The following DYNC2H1 variants were observed in gnomAD, a reference collection of about 807,000 sequenced individuals.
DYNC2H1 encodes cytoplasmic dynein 2 heavy chain 1.
DYNC2H1 carries 410 observed loss-of-function variants against 570.0 expected under a neutral mutation model. The ratio of observed to expected loss-of-function variants is 0.72; its 90% CI spans 0.66 to 0.78. DYNC2H1 has a LOEUF of 0.78. DYNC2H1 is among the 30% of genes least tolerant of loss of function. The pLI is 0.00. For missense variants in DYNC2H1, 4,865 were observed against 5,046.4 expected (o/e 0.96, Z 1.09); for synonymous variants, 1,688 against 1,677.6 (o/e 1.01, Z -0.15).
chr11:103,203,756 T>A lies in DYNC2H1; in HGVS notation c.8291T>A (p.Val2764Asp). 1 of 1,609,450 alleles carries A rather than the reference T, an allele frequency of 6.2e-7. No individual in the cohort carries two copies. The highest frequency in any genetic ancestry group is 8.5e-7 in the Non-Finnish European group (1 of 1,177,700). ...QASQDGFFGPVFNYFTYRIQQ... is the reference protein window; with the variant it reads ...QASQDGFFGPDFNYFTYRIQQ... Reference sequence around the variant, plus strand: ...TCACAAGATGGTTTTTTTGGACCAGTCTTCAATTACTTCACATATAGTAAG... The same window carrying A: ...TCACAAGATGGTTTTTTTGGACCAGACTTCAATTACTTCACATATAGTAAG... The change falls in exon 51 of 89, where the codon GTC (valine) becomes GAC (aspartate). Residue 2764 changes from valine (V) to aspartate (D), a missense_variant. Val to Asp is a radical substitution (Grantham distance 152). Around this residue, in one of 5 missense-constraint regions of DYNC2H1, gnomAD observed 2,401 missense variants for 2,454.6 expected, o/e 0.98. Transcript: ENST00000375735. The surrounding 1 kb of genome is among the most constrained non-coding windows in gnomAD (Gnocchi z 4.7).
At chr11:103,392,023 CT>C (rs1243760631) in intron 83 of DYNC2H1, among the ~76,000 whole-genome samples, 1 of 152,234 alleles carries the variant, frequency 6.6e-6, no homozygotes, top group Non-Finnish European at 1.5e-5. Context: ...CTCTTCAAAG[CT>C]GTCAGACAGG....
In DYNC2H1 at chr11:103,120,544, C is replaced by T; in HGVS notation, c.1097C>T (p.Thr366Ile). Residue 366 changes from threonine to isoleucine, a missense_variant, in exon 7 of 89, where the codon ACT becomes ATT. Thr to Ile is a moderately conservative substitution (Grantham distance 89). Coordinates refer to ENST00000375735, the MANE Select transcript of DYNC2H1 (RefSeq NM_001377.3). Reference protein sequence around the residue: ...ICLTRVFEPFTGLNPVQYNPY... With the variant: ...ICLTRVFEPFIGLNPVQYNPY... The stretch of plus-strand genomic sequence containing the variant: ...CTCACTCGAGTATTTGAACCTTTTA[C>T]TGGCCTGAATCCTGTGCAATATAAT... 2 of 1,613,132 alleles carry T rather than the reference C, an allele frequency of 1.2e-6. No homozygotes were observed. Among genetic ancestry groups the T allele is most frequent in the Non-Finnish European group, 1.7e-6 (2 of 1,179,448 alleles).
In DYNC2H1 at chr11:103,333,325, A is replaced by G. The variant is rs1027959601; in HGVS notation, c.12039+9335A>G. On this transcript the variant is annotated intron_variant, in intron 82 of 88. Coordinates refer to ENST00000375735, the MANE Select transcript of DYNC2H1 (RefSeq NM_001377.3). The stretch of plus-strand genomic sequence containing the variant: ...GTTGCCCAGGCTGGAGTGCAGTGGC[A>G]CAATCTCAGCTCACTGCAAGCTCCG... 2.0e-4 allele frequency among the ~76,000 whole-genome samples: 31 copies of G among 152,092 alleles called. 1 individual carries two copies. Among genetic ancestry groups the G allele is most frequent in the African/African-American group, 7.0e-4 (29 of 41,426 alleles).
rs553894540 is a variant in DYNC2H1, at chr11:103,266,097, C to T, written c.10695+6120C>T. 6.6e-5 allele frequency among the ~76,000 whole-genome samples: 10 copies of T among 152,118 alleles called. No individual in the cohort carries two copies. The South Asian group carries it at 8.3e-4, about 13-fold the overall frequency. ...GGTGGGTGGGGTGGGAGGGGCAAGG[C>T]GCTCTGTGACCGCTGGTCACTACAC... is the stretch of plus-strand genomic sequence containing the variant. On this transcript the variant is annotated intron_variant, in intron 70 of 88. Transcript: ENST00000375735.
Position 103,120,899 on chromosome 11 carries a change from CATGTACTTATTT to C in DYNC2H1, c.1249-25_1249-14del. On this transcript the variant is annotated splice_polypyrimidine_tract_variant and intron_variant, in intron 8 of 88. Transcript: ENST00000375735. ...TACTGAGTTGATCCGTTGGGATGAA[CATGTACTTATTT>C]TATTTTATATTAGCTTCTTCAAGCA... The C allele has an allele frequency of 7.4e-7, 1 of 1,347,168 alleles. No homozygotes were observed. Among genetic ancestry groups the C allele is most frequent in the Admixed American group, 3.0e-5 (1 of 33,140 alleles). 83.5% of individuals were successfully genotyped at this position (1,347,168 alleles called of 1,614,324 possible).
Position 103,186,175 on chromosome 11 carries a change from G to A in DYNC2H1, c.6634-67G>A, listed in dbSNP as rs1483633875. 1 of 1,456,504 alleles carries A rather than the reference G, an allele frequency of 6.9e-7. No homozygotes were observed. The highest frequency in any genetic ancestry group is 1.4e-5 in the African/African-American group (1 of 70,746). 90.2% of individuals were successfully genotyped at this position (1,456,504 alleles called of 1,614,324 possible). A position where few individuals can be genotyped will look rare whatever the true frequency, so the allele number is the denominator to read the frequency against. ...TGATTTACTTTTGGGATATTTACTT[G>A]GAAGAATTTTAAAATGTCACACACT... is the stretch of plus-strand genomic sequence containing the variant. On this transcript the variant is annotated intron_variant, in intron 41 of 88. Transcript: ENST00000375735. This position sits in a 1 kb window ranked among gnomAD's most constrained non-coding sequence, Gnocchi z 4.5.
At chr11:103,362,644 C>A (rs1940711276) in intron 83 of DYNC2H1, among the ~76,000 whole-genome samples, 2 of 152,146 alleles carry the variant, frequency 1.3e-5, no homozygotes, top group Admixed American at 1.3e-4. Flanking sequence ...CCTTTGTTTT[C>A]TTTGACTTGC....
chr11:103,424,372 T>G (rs1280699534), intron 84 of DYNC2H1, among the ~76,000 whole-genome samples: 2 of 152,150 alleles, frequency 1.3e-5, no homozygotes, highest in Non-Finnish European at 2.9e-5. Context: ...CAGGAACAAC[T>G]TGAATTTTCA....
Position 103,185,198 on chromosome 11 carries a change from T to G in DYNC2H1, c.6633+147T>G, listed in dbSNP as rs995257892. 3.6e-6 allele frequency: 2 copies of G among 561,050 alleles called. No individual in the cohort carries two copies. The highest frequency in any genetic ancestry group is 6.3e-5 in the East Asian group (2 of 31,972). The allele number at this position is 561,050 out of a possible 1,614,324, so 34.8% of individuals were successfully genotyped here. A position where few individuals can be genotyped will look rare whatever the true frequency, so the allele number is the denominator to read the frequency against. The stretch of plus-strand genomic sequence containing the variant: ...TCAATTGAGTAATAATGTATTTATG[T>G]ATGTGTATTTATATTTTCTCCTTTG... On this transcript the variant is annotated intron_variant, in intron 41 of 88. Transcript: ENST00000375735. The surrounding 1 kb of genome is among the most constrained non-coding windows in gnomAD (Gnocchi z 4.5).
At chr11:103,448,262 A>ATG (rs1491236906) in intron 85 of DYNC2H1, among the ~76,000 whole-genome samples, 1 of 152,132 alleles carries the variant, frequency 6.6e-6, no homozygotes, top group Non-Finnish European at 1.5e-5. Flanking sequence ...GTGGGTGATC[A>ATG]TGTGTGTGTA....
In DYNC2H1 at chr11:103,453,615, C is replaced by CATATATATATATATATATAT. The variant is rs66628059; in HGVS notation, c.12457-1563_12457-1544dup. 6.4e-3 allele frequency among the ~76,000 whole-genome samples: 871 copies of CATATATATATATATATATAT among 136,258 alleles called. 21 individuals carry two copies. Among genetic ancestry groups the CATATATATATATATATATAT allele is most frequent in the African/African-American group, 0.024 (838 of 34,506 alleles). The allele number at this position is 136,258 out of a possible 152,430, so 89.4% of individuals were successfully genotyped here. A position where few individuals can be genotyped will look rare whatever the true frequency, so the allele number is the denominator to read the frequency against. ...TGATTATCAGCCATGTTAGTTTAGA[C>CATATATATATATATATATAT]ATATATATATATATATATATATATA... On this transcript the variant is annotated intron_variant, in intron 85 of 88. Transcript: ENST00000375735.
rs182697394 is a variant in DYNC2H1 at position 103,414,512 on chromosome 11, G to A, written c.12366+14640G>A. Among the ~76,000 whole-genome samples, 12 of 152,142 alleles carry A rather than the reference G, an allele frequency of 7.9e-5. No individual in the cohort carries two copies. In the East Asian group the frequency reaches 1.2e-3, roughly 15 times the overall value. On this transcript the variant is annotated intron_variant, in intron 84 of 88. Coordinates refer to ENST00000375735, the MANE Select transcript of DYNC2H1 (RefSeq NM_001377.3). Reference sequence around the variant, plus strand: ...CACGTGCCTGTAATCCCAGCTACTCGGGAGGCTGAGGCAGAAGAATTGTTT... The same window carrying A: ...CACGTGCCTGTAATCCCAGCTACTCAGGAGGCTGAGGCAGAAGAATTGTTT...
rs1449557542 is a variant in DYNC2H1 at position 103,463,585 on chromosome 11, AC to A, written c.12649-5003del. On this transcript the variant is annotated intron_variant, in intron 87 of 88. Transcript: ENST00000375735. ...AGCAACATGGAAGAACCCTGTTTCT[AC>A]TACAAATACAAAAAATTAGCCAGGC... Among the ~76,000 whole-genome samples the A allele has an allele frequency of 3.9e-5, 6 of 152,160 alleles. No individual in the cohort carries two copies. The East Asian group carries it at 7.7e-4, about 20-fold the overall frequency.
chr11:103,206,242 A>C (rs574095404), intron 52 of DYNC2H1, among the ~76,000 whole-genome samples: 3 of 152,296 alleles, frequency 2.0e-5, no homozygotes, highest in South Asian at 4.1e-4. Flanking sequence ...TGGCTTGAGC[A>C]ACTAGAAGGA....
chr11:103,171,132 T>G, intron 34 of DYNC2H1, 64 bp downstream of exon 34: 1 of 1,270,596 alleles, frequency 7.9e-7, no homozygotes, highest in Non-Finnish European at 1.0e-6. Context: ...TTACTCATAC[T>G]TAAGCAATAT....
rs535623219 is a variant in DYNC2H1, at chr11:103,129,216, G to A, written c.1953+211G>A. Among the ~76,000 whole-genome samples, 6 of 152,218 alleles carry A rather than the reference G, an allele frequency of 3.9e-5. No individual in the cohort carries two copies. The highest frequency in any genetic ancestry group is 1.9e-4 in the East Asian group (1 of 5,184). On this transcript the variant is annotated intron_variant, in intron 13 of 88. Coordinates refer to ENST00000375735, the MANE Select transcript of DYNC2H1 (RefSeq NM_001377.3). The surrounding 1 kb of genome is among the most constrained non-coding windows in gnomAD (Gnocchi z 4.1). The stretch of plus-strand genomic sequence containing the variant: ...TTTCATATATTTTGGTACTGATTTC[G>A]ATCAATTGCATTGATATAGATAGAA...
At chr11:103,198,380 GAAA>G (rs1339101278) in intron 48 of DYNC2H1, among the ~76,000 whole-genome samples, 1 of 152,160 alleles carries the variant, frequency 6.6e-6, no homozygotes, top group African/African-American at 2.4e-5. Flanking sequence ...GTAGAGATTA[GAAA>G]ATATGCAGAT....
chr11:103,330,859 A>G (rs1938748250), intron 82 of DYNC2H1, among the ~76,000 whole-genome samples: 1 of 152,144 alleles, frequency 6.6e-6, no homozygotes, highest in Admixed American at 6.5e-5. Flanking sequence ...TGGATTTCAT[A>G]CATTGGAATA....
Position 103,158,903 on chromosome 11 carries a change from T to G in DYNC2H1, c.4261-7T>G. ...AGAAAGCTATTTTTTGTTTCTATTT[T>G]TATTAGGAAAAACGCTCAGCATTCC... On this transcript the variant is annotated splice_polypyrimidine_tract_variant and splice_region_variant and intron_variant, in intron 27 of 88. Coordinates refer to ENST00000375735, the MANE Select transcript of DYNC2H1 (RefSeq NM_001377.3). 6.3e-7 allele frequency: 1 copy of G among 1,597,560 alleles called. No individual in the cohort carries two copies. Among genetic ancestry groups the G allele is most frequent in the South Asian group, 1.2e-5 (1 of 85,988 alleles).
Sources: allele counts gnomAD v4.1 joint callset (sites outside exome capture counted in the v4.1 genomes callset), GRCh38; gene constraint gnomAD v4.1.1; regional missense constraint gnomAD v4.1.1; non-coding constraint Gnocchi (gnomAD v3.1); transcripts MANE v1.5; gene names NCBI Gene and HGNC (gene_info 2026-07-23, HGNC 2026-07-21).